The following PKD1L1 variants were observed in gnomAD, a reference collection of about 807,000 sequenced individuals.
The protein encoded by PKD1L1 is polycystin 1 like 1, transient receptor potential channel interacting.
PKD1L1 carries 236 observed loss-of-function variants against 323.4 expected under a neutral mutation model. The observed-to-expected ratio is 0.73, with a 90% CI of 0.66 to 0.81. The LOEUF is 0.81. Ranked by LOEUF, PKD1L1 falls within the 40% of genes least tolerant of loss-of-function variation. PKD1L1 has a pLI of 0.00. For synonymous variants in PKD1L1, 1,344 were observed against 1,335.0 expected (o/e 1.01, Z -0.15); for missense variants, 3,320 against 3,508.0 (o/e 0.95, Z 1.35).
chr7:47,880,052 A>C (rs1786504978), intron 21 of PKD1L1, among the ~76,000 whole-genome samples: 1 of 151,372 alleles, frequency 6.6e-6, no homozygotes, highest in Non-Finnish European at 1.5e-5. Flanking sequence ...TCAGATTGAG[A>C]TAGGCATGGA....
chr7:47,853,761 CAAACCAAAAA>C (rs1250911313), intron 30 of PKD1L1, among the ~76,000 whole-genome samples: 1 of 85,110 alleles, frequency 1.2e-5, no homozygotes, highest in African/African-American at 4.5e-5. Context: ...AACAAACAAA[CAAACCAAAAA>C]AAAAAAAAAA....
chr7:47,853,879 G>C (rs1398531134), intron 30 of PKD1L1, among the ~76,000 whole-genome samples: 1 of 152,052 alleles, frequency 6.6e-6, no homozygotes, highest in African/African-American at 2.4e-5. Context: ...GCTACACGTG[G>C]TTAGGGAGGG....
In PKD1L1 at chr7:47,884,617, T is replaced by C; in HGVS notation, c.3246A>G (p.Pro1082=). The C allele has an allele frequency of 4.3e-6, 7 of 1,614,040 alleles. No individual in the cohort carries two copies. The highest frequency in any genetic ancestry group is 5.9e-6 in the Non-Finnish European group (7 of 1,179,900). ...AGTCACCTGGCTGTCTTCCTCCCGA[T>C]GGTATTGCTTCTTGAATGTCACTGT... ...AYYSDIQEAI[P]SGGRQPAKDT... is the part of the protein sequence containing the mutation. The change falls in exon 19 of 57, where the codon CCA becomes CCG. Residue 1082 remains proline, a synonymous_variant. Transcript: ENST00000289672.
chr7:47,931,975 A>G lies in PKD1L1; in HGVS notation c.480T>C (p.Ala160=). 6.2e-7 allele frequency: 1 copy of G among 1,614,098 alleles called. No homozygotes were observed. The highest frequency in any genetic ancestry group is 2.2e-5 in the East Asian group (1 of 44,880). Residue 160 remains alanine (A), a synonymous_variant, in exon 5 of 57, where the codon GCT becomes GCC. Transcript: ENST00000289672. ...GPRFHHRRLC[A]TGTADSTFSA... ...AGAATGTGCTGTCTGCGGTCCCAGT[A>G]GCACACAGCCGCCTGTGATGGAACC...
Position 47,892,629 on chromosome 7 carries a change from A to G in PKD1L1, c.2453+1249T>C, listed in dbSNP as rs142188979. 7.9e-5 allele frequency among the ~76,000 whole-genome samples: 12 copies of G among 152,336 alleles called. No individual in the cohort carries two copies. In the East Asian group the frequency reaches 2.3e-3, roughly 29 times the overall value. ...TGTACAGCATTCAGGGAATGGTTACATTAACAGTCCAGACTTTAACACCAC... is the reference window on the plus strand; with the variant it reads ...TGTACAGCATTCAGGGAATGGTTACGTTAACAGTCCAGACTTTAACACCAC... On this transcript the variant is annotated intron_variant, in intron 15 of 56. Coordinates refer to ENST00000289672, the MANE Select transcript of PKD1L1 (RefSeq NM_138295.5).
chr7:47,887,014 C>A (rs1479263660), intron 17 of PKD1L1, among the ~76,000 whole-genome samples: 1 of 151,288 alleles, frequency 6.6e-6, no homozygotes, highest in Admixed American at 6.6e-5. Flanking sequence ...TATCTAGGGG[C>A]CATGATTTAC....
Position 47,796,031 on chromosome 7 carries a change from C to T in PKD1L1, c.8313G>A (p.Leu2771=), listed in dbSNP as rs1259534757. The part of the protein sequence containing the change: ...MWEKVLTFLR[L]ETPKLEEAEM... ...CAGCCTCTTCCAACTTTGGTGTTTC[C>T]AGTCTCAGAAAGGTGAGGACCTTTT... The change falls in exon 55 of 57, where the codon CTG becomes CTA. Residue 2771 remains leucine, a synonymous_variant. Coordinates refer to ENST00000289672, the MANE Select transcript of PKD1L1 (RefSeq NM_138295.5). 1 of 1,613,150 alleles carries T rather than the reference C, an allele frequency of 6.2e-7. No individual in the cohort carries two copies. Among genetic ancestry groups the T allele is most frequent in the Non-Finnish European group, 8.5e-7 (1 of 1,179,722 alleles).
chr7:47,820,265 C>G (rs567250473), intron 46 of PKD1L1, among the ~76,000 whole-genome samples: 31 of 152,294 alleles, frequency 2.0e-4, no homozygotes, highest in Non-Finnish European at 4.3e-4. Flanking sequence ...TATGACACAA[C>G]AAAATGCTAT....
At chr7:47,926,036 G>A (rs1787651392) in intron 7 of PKD1L1, among the ~76,000 whole-genome samples, 1 of 152,232 alleles carries the variant, frequency 6.6e-6, no homozygotes, top group Non-Finnish European at 1.5e-5. Flanking sequence ...TGAGGCTGTA[G>A]GATCACTTGA....
intron 1 of PKD1L1, 89 bp downstream of exon 1, chr7:47,948,308 C>G: frequency 1.3e-6 from 2 of 1,484,836 alleles, no homozygotes; most frequent in Non-Finnish European, 1.9e-6. Context: ...GAGCCCACAT[C>G]CTAGAGGTGA....
chr7:47,904,619 T>C lies in PKD1L1; in HGVS notation c.1692-2A>G. ...GAAGCCTTAACCATCACACGATACCTGCAGGATGGGGAAAGGAGGGCAGGG... is the reference window on the plus strand; with the variant it reads ...GAAGCCTTAACCATCACACGATACCCGCAGGATGGGGAAAGGAGGGCAGGG... On this transcript the variant is annotated splice_acceptor_variant, in intron 11 of 56. Coordinates refer to ENST00000289672, the MANE Select transcript of PKD1L1 (RefSeq NM_138295.5). LOFTEE classifies it high-confidence loss of function. 2 of 1,606,788 alleles carry C rather than the reference T, an allele frequency of 1.2e-6. No individual in the cohort carries two copies. The highest frequency in any genetic ancestry group is 2.2e-5 in the South Asian group (2 of 90,720).
intron 44 of PKD1L1, among the ~76,000 whole-genome samples, chr7:47,828,192 G>A (rs1785273553): frequency 6.6e-6 from 1 of 152,152 alleles, no homozygotes; most frequent in African/African-American, 2.4e-5. Context: ...AGGCTTGGGT[G>A]TAGGGGGGCA....
At chr7:47,800,941 A>G in intron 53 of PKD1L1, 62 bp from the exon 54 acceptor site, 16 of 1,427,720 alleles carry the variant, frequency 1.1e-5, no homozygotes. Context: ...TGGAAGACTC[A>G]ACTTCCAAAT....
chr7:47,880,270 A>ATTT (rs1786516339), intron 21 of PKD1L1, among the ~76,000 whole-genome samples: 2 of 68,956 alleles, frequency 2.9e-5, no homozygotes, highest in Non-Finnish European at 2.6e-5. Context: ...ATATACATAT[A>ATTT]TATATATATA....
chr7:47,803,164 C>T, intron 53 of PKD1L1, 46 bp downstream of exon 53: 1 of 1,611,012 alleles, frequency 6.2e-7, no homozygotes, highest in Non-Finnish European at 8.5e-7. Flanking sequence ...GTACACAGAT[C>T]AATGGTTTAC....
Position 47,811,973 on chromosome 7 carries a change from G to T in PKD1L1, c.7425C>A (p.His2475Gln). The stretch of plus-strand genomic sequence containing the variant: ...GGGTTGGAGGGTTATAGAGAGTGAA[G>T]TGCACAGACACAGCCCTGGTGCTGC... ...IDRSTRAVSV[H>Q]FTLYNPPTQL... The change falls in exon 50 of 57, where the codon CAC becomes CAA. Residue 2475 changes from histidine to glutamine, a missense_variant. Coordinates refer to ENST00000289672, the MANE Select transcript of PKD1L1 (RefSeq NM_138295.5). The T allele has an allele frequency of 6.3e-7, 1 of 1,599,436 alleles. No homozygotes were observed. Among genetic ancestry groups the T allele is most frequent in the Non-Finnish European group, 8.5e-7 (1 of 1,173,038 alleles).
rs897446213 is a variant in PKD1L1, at chr7:47,834,330, T to C, written c.6174+9A>G. The C allele has an allele frequency of 4.3e-6, 7 of 1,612,600 alleles. No homozygotes were observed. The highest frequency in any genetic ancestry group is 2.2e-5 in the East Asian group (1 of 44,892). On this transcript the variant is annotated intron_variant, in intron 40 of 56. Transcript: ENST00000289672. Reference sequence around the variant, plus strand: ...GAAGATTAGCTGCTGCGCATAATGATTGATTTACCTTGCGTGGCTCCTGTG... The same window carrying C: ...GAAGATTAGCTGCTGCGCATAATGACTGATTTACCTTGCGTGGCTCCTGTG...
At position 47,946,671 on chromosome 7, in the gene PKD1L1, A is replaced by G. The variant is rs11976586; in HGVS notation, c.44+1726T>C. Among the ~76,000 whole-genome samples, 7,333 of 151,938 alleles carry G rather than the reference A, an allele frequency of 0.048. 559 individuals carry two copies. Among genetic ancestry groups the G allele is most frequent in the African/African-American group, 0.17 (6,886 of 41,394 alleles). Reference sequence around the variant, plus strand: ...CACCCACACACATGTCCTATACCACACACACACACACAGACACTACAGGCC... The same window carrying G: ...CACCCACACACATGTCCTATACCACGCACACACACACAGACACTACAGGCC... On this transcript the variant is annotated intron_variant, in intron 1 of 56. Coordinates refer to ENST00000289672, the MANE Select transcript of PKD1L1 (RefSeq NM_138295.5). This position sits in a 1 kb window ranked among gnomAD's most constrained non-coding sequence, Gnocchi z 4.1.
upstream of PKD1L1, among the ~76,000 whole-genome samples, chr7:47,949,115 A>C (rs1788161540): frequency 6.6e-6 from 1 of 151,874 alleles, no homozygotes; most frequent in African/African-American, 2.4e-5. Flanking sequence ...TCACGCCTAT[A>C]ATCCCAACAC....
Sources: allele counts gnomAD v4.1 joint callset (sites outside exome capture counted in the v4.1 genomes callset), GRCh38; gene constraint gnomAD v4.1.1; non-coding constraint Gnocchi (gnomAD v3.1); transcripts MANE v1.5; gene names NCBI Gene and HGNC (gene_info 2026-07-23, HGNC 2026-07-21).